ITLN1: variants seen among roughly 807,000 people sequenced by gnomAD.
The protein encoded by ITLN1 is intelectin 1.
In ITLN1, 29 loss-of-function variants were observed where a neutral mutation model predicts 36.2. The observed-to-expected ratio is 0.80, with a 90% CI of 0.60 to 1.09. The LOEUF is 1.09. Ranked by LOEUF, ITLN1 falls within the 50% of genes least tolerant of loss-of-function variation. ITLN1 has a pLI of 0.00. For synonymous variants in ITLN1, 143 were observed against 146.5 expected, an observed-to-expected ratio of 0.98 and a Z score of 0.17; for missense variants, 358 against 405.2, an observed-to-expected ratio of 0.88 and a Z score of 1.00.
intron 4 of ITLN1, among the ~76,000 whole-genome samples, 183 bp downstream of exon 4, chr1:160,881,774 C>G (rs6427551): frequency 0.6 from 88,907 of 147,622 alleles, 28,042 homozygotes; most frequent in Admixed American, 0.68. Context: ...TGCACTCCAA[C>G]CTGGGCAACA....
chr1:160,881,153 C>A lies in ITLN1; in HGVS notation c.564+1G>T. On this transcript the variant is annotated splice_donor_variant, in intron 5 of 7. Coordinates refer to ENST00000326245, the MANE Select transcript of ITLN1 (RefSeq NM_017625.3). LOFTEE classifies it high-confidence loss of function. ...CAGTCCCAGCCAGCAGCCTTCTGTA[C>A]CTGGTAGATGCCAAACAGATTATGT... is the stretch of plus-strand genomic sequence containing the variant. The A allele has an allele frequency of 6.2e-7, 1 of 1,606,298 alleles. No homozygotes were observed. Among genetic ancestry groups the A allele is most frequent in the Non-Finnish European group, 8.5e-7 (1 of 1,175,850 alleles).
intron 7 of ITLN1, 93 bp from the exon 8 acceptor site, chr1:160,876,909 C>T: frequency 3.2e-6 from 4 of 1,246,784 alleles, no homozygotes; most frequent in Non-Finnish European, 4.6e-6. Flanking sequence ...TTCTTTGGTC[C>T]TCATCAGACT....
chr1:160,881,229 G>A lies in ITLN1; in HGVS notation c.489C>T (p.Asn163=), dbSNP rs1021737087. The part of the protein sequence containing the change: ...PNKSPMQHWR[N]SSLLRYRTDT... ...CCGTGCGGTACCTCAGCAGGGAGCT[G>A]TTTCTCCAGTGCTGCATGGGGGACT... The change falls in exon 5 of 8, where the codon AAC becomes AAT. Residue 163 remains asparagine (N), a synonymous_variant. Coordinates refer to ENST00000326245, the MANE Select transcript of ITLN1 (RefSeq NM_017625.3). 1.9e-6 allele frequency: 3 copies of A among 1,613,762 alleles called. No homozygotes were observed. The highest frequency in any genetic ancestry group is 2.2e-5 in the East Asian group (1 of 44,884).
chr1:160,877,053 C>A (rs1670599918), intron 7 of ITLN1, among the ~76,000 whole-genome samples: 1 of 152,214 alleles, frequency 6.6e-6, no homozygotes, highest in Non-Finnish European at 1.5e-5. Flanking sequence ...GCCTGGCCAA[C>A]ATGGTGAAAC....
At chr1:160,883,999 G>A (rs1670719654) in intron 2 of ITLN1, among the ~76,000 whole-genome samples, 1 of 152,212 alleles carries the variant, frequency 6.6e-6, no homozygotes, top group African/African-American at 2.4e-5. Flanking sequence ...AGTTGCCTGG[G>A]AGAAGAAGGC....
At position 160,876,732 on chromosome 1, in the gene ITLN1, C is replaced by T; in HGVS notation, c.874G>A (p.Gly292Arg). Residue 292 changes from glycine (G) to arginine (R), a missense_variant, in exon 8 of 8, where the codon GGA becomes AGA. Physicochemically the swap from Gly to Arg is moderately radical, Grantham distance 125. Coordinates refer to ENST00000326245, the MANE Select transcript of ITLN1 (RefSeq NM_017625.3). ...CTGCTGCTGTAACCAACATGAGTTCCATATCCACTCCAATCAAAACCAGAA... is the reference window on the plus strand; with the variant it reads ...CTGCTGCTGTAACCAACATGAGTTCTATATCCACTCCAATCAAAACCAGAA... The part of the protein sequence containing the change: ...DFSGFDWSGY[G>R]THVGYSSSRE... 4 of 1,614,194 alleles carry T rather than the reference C, an allele frequency of 2.5e-6. No individual in the cohort carries two copies. Among genetic ancestry groups the T allele is most frequent in the Non-Finnish European group, 2.5e-6 (3 of 1,180,030 alleles).
Position 160,876,810 on chromosome 1 carries a change from T to C in ITLN1, c.796A>G (p.Ile266Val), listed in dbSNP as rs1670595203. 2 of 1,613,972 alleles carry C rather than the reference T, an allele frequency of 1.2e-6. No individual in the cohort carries two copies. Among genetic ancestry groups the C allele is most frequent in the South Asian group, 1.1e-5 (1 of 91,058 alleles). Reference protein sequence around the residue: ...VTGCNTEHHCIGGGGYFPEAS... With the variant: ...VTGCNTEHHCVGGGGYFPEAS... ...TCTGGAAAGTATCCTCCTCCACCAA[T>C]GCAGTGCTGGGAAACAAAGAGAGGA... is the stretch of plus-strand genomic sequence containing the variant. Residue 266 changes from isoleucine (I) to valine (V), a missense_variant, in exon 8 of 8, where the codon ATT becomes GTT. By Grantham distance (29) the Ile-to-Val change is conservative. Transcript: ENST00000326245.
At chr1:160,880,821 G>T in intron 5 of ITLN1, 113 bp from the exon 6 acceptor site, 1 of 1,261,860 alleles carries the variant, frequency 7.9e-7, no homozygotes, top group Non-Finnish European at 1.1e-6. Flanking sequence ...CAGTAACTGA[G>T]ATTACTTCAA....
intron 7 of ITLN1, 53 bp from the exon 8 acceptor site, chr1:160,876,869 A>C: frequency 1.3e-6 from 2 of 1,570,872 alleles, no homozygotes; most frequent in Non-Finnish European, 1.7e-6. Context: ...CAGTGAGGCC[A>C]ATGCCATCTT....
chr1:160,881,138 C>A lies in ITLN1; in HGVS notation c.564+16G>T. The stretch of plus-strand genomic sequence containing the variant: ...TACACCCATGAAAACCAGTCCCAGC[C>A]AGCAGCCTTCTGTACCTGGTAGATG... On this transcript the variant is annotated intron_variant, in intron 5 of 7. Transcript: ENST00000326245. 6.3e-7 allele frequency: 1 copy of A among 1,587,540 alleles called. No individual in the cohort carries two copies. The highest frequency in any genetic ancestry group is 8.6e-7 in the Non-Finnish European group (1 of 1,166,668).
rs779544590 is a variant in ITLN1 at position 160,876,735 on chromosome 1, A to G, written c.871T>C (p.Tyr291His). ...GDFSGFDWSGYGTHVGYSSSR... is the reference protein window; with the variant it reads ...GDFSGFDWSGHGTHVGYSSSR... Reference sequence around the variant, plus strand: ...CTGCTGTAACCAACATGAGTTCCATATCCACTCCAATCAAAACCAGAAAAA... The same window carrying G: ...CTGCTGTAACCAACATGAGTTCCATGTCCACTCCAATCAAAACCAGAAAAA... The change falls in exon 8 of 8, where the codon TAT becomes CAT. Residue 291 changes from tyrosine (Y) to histidine (H), a missense_variant. Physicochemically the swap from Tyr to His is moderately conservative, Grantham distance 83. Transcript: ENST00000326245. The G allele has an allele frequency of 3.1e-6, 5 of 1,614,178 alleles. No homozygotes were observed. Among genetic ancestry groups the G allele is most frequent in the Non-Finnish European group, 4.2e-6 (5 of 1,180,026 alleles).
At chr1:160,880,085 G>A (rs868654416) in intron 6 of ITLN1, among the ~76,000 whole-genome samples, 14 of 151,976 alleles carry the variant, frequency 9.2e-5, no homozygotes, top group Non-Finnish European at 4.4e-5. Flanking sequence ...GGGGCGGATC[G>A]CCAAAGGTCA....
Position 160,879,386 on chromosome 1 carries a change from G to C in ITLN1, c.714C>G (p.Phe238Leu). 6 of 1,614,066 alleles carry C rather than the reference G, an allele frequency of 3.7e-6. No homozygotes were observed. Among genetic ancestry groups the C allele is most frequent in the Non-Finnish European group, 5.1e-6 (6 of 1,179,968 alleles). Reference sequence around the variant, plus strand: ...CTGCTCTCTCGTTATTAAATACCCTGAACTGAACAAATCCCGCAGTGAATT... The same window carrying C: ...CTGCTCTCTCGTTATTAAATACCCTCAACTGAACAAATCCCGCAGTGAATT... ...QREFTAGFVQ[F>L]RVFNNERAAN... Residue 238 changes from phenylalanine (F) to leucine (L), a missense_variant, in exon 7 of 8, where the codon TTC (phenylalanine) becomes TTG (leucine). Phe to Leu is a conservative substitution (Grantham distance 22). Transcript: ENST00000326245.
intron 3 of ITLN1, 71 bp downstream of exon 3, chr1:160,883,357 G>A (rs573817858): frequency 1.1e-4 from 116 of 1,042,530 alleles, no homozygotes; most frequent in Non-Finnish European, 1.6e-4. Context: ...TTAACTAAAA[G>A]ACAAAAAGAC....
chr1:160,881,804 GAAAAAAAA>G (rs56380748), intron 4 of ITLN1, among the ~76,000 whole-genome samples, 145 bp downstream of exon 4: 164 of 125,232 alleles, frequency 1.3e-3, no homozygotes, highest in African/African-American at 1.4e-3. Flanking sequence ...TCCGTCTCAA[GAAAAAAAA>G]AAAAAAAAAA....
chr1:160,883,085 T>G (rs1296983161), intron 3 of ITLN1, among the ~76,000 whole-genome samples: 1 of 152,036 alleles, frequency 6.6e-6, no homozygotes, highest in Non-Finnish European at 1.5e-5. Flanking sequence ...CCAAGCTGGT[T>G]TCAAACTCCT....
chr1:160,884,966 G>T, intron 1 of ITLN1, 83 bp from the exon 2 acceptor site: 1 of 865,966 alleles, frequency 1.2e-6, no homozygotes, highest in Non-Finnish European at 1.9e-6. Context: ...GTCTTACAAA[G>T]ACTCCAAAAC....
At chr1:160,879,956 G>A (rs1670649833) in intron 6 of ITLN1, among the ~76,000 whole-genome samples, 1 of 152,150 alleles carries the variant, frequency 6.6e-6, no homozygotes, top group Admixed American at 6.5e-5. Context: ...GACCTGGCCT[G>A]GTCCTAACAA....
At chr1:160,885,004 A>G in intron 1 of ITLN1, 57 bp downstream of exon 1, 1 of 649,290 alleles carries the variant, frequency 1.5e-6, no homozygotes, top group Non-Finnish European at 2.8e-6. Context: ...AACTTCACAC[A>G]TCTCTGAGAC....
Sources: allele counts gnomAD v4.1 joint callset (sites outside exome capture counted in the v4.1 genomes callset), GRCh38; gene constraint gnomAD v4.1.1; transcripts MANE v1.5; gene names NCBI Gene and HGNC (gene_info 2026-07-23, HGNC 2026-07-21).